KAZN: variants seen among roughly 807,000 people sequenced by gnomAD.
KAZN encodes the protein kazrin, periplakin interacting protein, also known as kazrin.
Under a neutral mutation model 87.4 loss-of-function variants are expected in KAZN, and 40 were observed. That is an observed-to-expected ratio of 0.46 (90% CI 0.36 to 0.60). The LOEUF (loss-of-function observed/expected upper bound fraction) is 0.60. KAZN is among the 20% of genes least tolerant of loss of function. The probability of loss-of-function intolerance (pLI) is 0.00; values close to 1 mark genes in which losing one functional copy is unlikely to be tolerated. For synonymous variants in KAZN, 466 were observed against 458.3 expected, an observed-to-expected ratio of 1.02 and a Z score of -0.22; for missense variants, 898 against 1,073.9, an observed-to-expected ratio of 0.84 and a Z score of 2.29.
intron 1 of KAZN, among the ~76,000 whole-genome samples, chr1:14,641,623 A>G (rs978969585): frequency 6.6e-6 from 1 of 152,178 alleles, no homozygotes; most frequent in Admixed American, 6.5e-5. Context: ...GCAGCCAGGG[A>G]AAGTCTACCA....
intron 2 of KAZN, among the ~76,000 whole-genome samples, chr1:14,539,583 T>A (rs1672693126): frequency 6.6e-6 from 1 of 152,194 alleles, no homozygotes; most frequent in African/African-American, 2.4e-5. Context: ...AGAGAATGAT[T>A]GAATATCAAA....
At chr1:14,375,147 T>C (rs1280810238) in intron 2 of KAZN, among the ~76,000 whole-genome samples, 1 of 152,216 alleles carries the variant, frequency 6.6e-6, no homozygotes, top group Admixed American at 6.5e-5. Flanking sequence ...TTAGCGTCTA[T>C]TAACTGAGAA....
rs533461848 is a variant in KAZN at position 14,203,724 on chromosome 1, G to A, written c.249+23132G>A. Among the ~76,000 whole-genome samples, 6 of 152,308 alleles carry A rather than the reference G, an allele frequency of 3.9e-5. No homozygotes were observed. In the South Asian group the frequency reaches 1.2e-3, roughly 32 times the overall value. On this transcript the variant is annotated intron_variant, in intron 2 of 16. Transcript: ENST00000636203. ...CTCAATGTGCGCTAAAGTAATTTTA[G>A]AAACCATCATTTCATTTCAGCAGTA...
At chr1:14,394,764 A>G (rs1004069755) in intron 2 of KAZN, among the ~76,000 whole-genome samples, 4 of 152,154 alleles carry the variant, frequency 2.6e-5, no homozygotes, top group Admixed American at 1.3e-4. Flanking sequence ...CTTTGCATAT[A>G]TTATCTTGTT....
chr1:14,087,561 T>C (rs1320494385), intron 1 of KAZN, among the ~76,000 whole-genome samples: 1 of 152,108 alleles, frequency 6.6e-6, no homozygotes, highest in East Asian at 1.9e-4. Context: ...CATTCCACCT[T>C]TTCCACTAAG....
chr1:14,363,605 C>T (rs1236620449), intron 2 of KAZN, among the ~76,000 whole-genome samples: 1 of 152,218 alleles, frequency 6.6e-6, no homozygotes, highest in Admixed American at 6.5e-5. Context: ...ATGTTTCCAA[C>T]TCTGTCCCTT....
intron 2 of KAZN, among the ~76,000 whole-genome samples, chr1:14,989,766 T>C (rs1191426272): frequency 6.6e-6 from 1 of 152,104 alleles, no homozygotes; most frequent in Non-Finnish European, 1.5e-5. Flanking sequence ...GCCGAGTGAG[T>C]GCTGACCATC....
intron 2 of KAZN, among the ~76,000 whole-genome samples, chr1:14,419,926 G>T (rs192846259): frequency 2.0e-5 from 3 of 152,102 alleles, no homozygotes; most frequent in Non-Finnish European, 4.4e-5. Context: ...TGCAAAGAGC[G>T]AAAGAACAAA....
At chr1:14,902,386 C>T (rs1439923427) in intron 1 of KAZN, among the ~76,000 whole-genome samples, 1 of 152,012 alleles carries the variant, frequency 6.6e-6, no homozygotes, top group Non-Finnish European at 1.5e-5. Context: ...CCACCACACC[C>T]GGCTAATTTT....
At chr1:13,961,857 T>C (rs1422689081) in intron 1 of KAZN, among the ~76,000 whole-genome samples, 2 of 152,294 alleles carry the variant, frequency 1.3e-5, no homozygotes, top group East Asian at 3.9e-4. Flanking sequence ...AGTAAGGTCA[T>C]ATTGAATGTG....
intron 2 of KAZN, among the ~76,000 whole-genome samples, chr1:14,528,907 C>T (rs1672059359): frequency 6.6e-6 from 1 of 152,140 alleles, no homozygotes; most frequent in African/African-American, 2.4e-5. Context: ...CAGCCTCATT[C>T]CACGTGCAAA....
At chr1:14,782,031 GAATGGA>G (rs1281776594) in intron 1 of KAZN, among the ~76,000 whole-genome samples, 3 of 152,174 alleles carry the variant, frequency 2.0e-5, no homozygotes, top group African/African-American at 7.2e-5. Context: ...GTGGGCATAA[GAATGGA>G]ACCTGTCTGT....
intron 8 of KAZN, among the ~76,000 whole-genome samples, chr1:15,074,877 G>A (rs759960295): frequency 1.3e-5 from 2 of 152,174 alleles, no homozygotes; most frequent in African/African-American, 2.4e-5. Flanking sequence ...GATGAAACAG[G>A]CCAATATGTA....
intron 1 of KAZN, among the ~76,000 whole-genome samples, chr1:13,951,623 GATA>G (rs6143132): frequency 0.073 from 10,762 of 148,054 alleles, 439 homozygotes; most frequent in African/African-American, 0.098. Flanking sequence ...CTAAAATGGA[GATA>G]ATAATAATAA....
At chr1:14,507,972 A>T (rs1440726987) in intron 2 of KAZN, among the ~76,000 whole-genome samples, 1 of 93,278 alleles carries the variant, frequency 1.1e-5, no homozygotes, top group Non-Finnish European at 2.3e-5. Flanking sequence ...GTCTCCAAAA[A>T]ATAAATAAAA....
At position 15,099,673 on chromosome 1, in the gene KAZN, C is replaced by T. The variant is rs1201805548; in HGVS notation, c.1548-1870C>T. On this transcript the variant is annotated intron_variant, in intron 10 of 14. Coordinates refer to ENST00000376030, the MANE Select transcript of KAZN (RefSeq NM_201628.3). This position sits in a 1 kb window ranked among gnomAD's most constrained non-coding sequence, Gnocchi z 5.4. ...CCTTGTGGACCATTCAAAGGACTTG[C>T]GATTTTACTCCTGCAAAGAGAAGCC... is the stretch of plus-strand genomic sequence containing the variant. Among the ~76,000 whole-genome samples the T allele has an allele frequency of 2.6e-5, 4 of 152,112 alleles. No homozygotes were observed. The highest frequency in any genetic ancestry group is 4.8e-5 in the African/African-American group (2 of 41,412).
At chr1:14,232,728 C>T (rs1209244539) in intron 2 of KAZN, among the ~76,000 whole-genome samples, 1 of 152,142 alleles carries the variant, frequency 6.6e-6, no homozygotes, top group Non-Finnish European at 1.5e-5. Context: ...GTCACTTTTC[C>T]CCTCTTATAA....
At chr1:14,457,304 C>G (rs1430803967) in intron 2 of KAZN, among the ~76,000 whole-genome samples, 1 of 152,184 alleles carries the variant, frequency 6.6e-6, no homozygotes, top group Non-Finnish European at 1.5e-5. Flanking sequence ...CATGTTAACC[C>G]TATAGAGTTT....
intron 1 of KAZN, among the ~76,000 whole-genome samples, chr1:14,772,470 T>TG (rs1328374243): frequency 6.7e-6 from 1 of 150,046 alleles, no homozygotes; most frequent in Non-Finnish European, 1.5e-5. Context: ...GGTGACAGAG[T>TG]GAGATCCTGC....
Sources: gnomAD v4.1 joint callset for allele counts (sites outside exome capture counted in the v4.1 genomes callset) on GRCh38, gnomAD v4.1.1 for gene constraint, Gnocchi (gnomAD v3.1) non-coding constraint, MANE v1.5 for transcripts, NCBI Gene and HGNC (gene_info 2026-07-23, HGNC 2026-07-21) for gene names.